CTNNA2: variants seen among roughly 807,000 people sequenced by gnomAD.
The protein encoded by CTNNA2 is catenin alpha-2.
In CTNNA2, 42 loss-of-function variants were observed where a neutral mutation model predicts 101.0. The observed-to-expected ratio is 0.42, with a 90% CI of 0.32 to 0.54. The LOEUF is 0.54. Among genes scored for constraint, CTNNA2 ranks in the 20% least tolerant of loss-of-function variants. The pLI is 0.14. For missense variants in CTNNA2, 871 were observed against 1,223.1 expected (o/e 0.71, Z 4.29); for synonymous variants, 450 against 456.4 (o/e 0.99, Z 0.18).
chr2:80,162,124 G>C (rs2148946913), intron 7 of CTNNA2, among the ~76,000 whole-genome samples: 1 of 152,128 alleles, frequency 6.6e-6, no homozygotes, highest in Non-Finnish European at 1.5e-5. Context: ...GAAATTTCTT[G>C]CAATACAAAA....
chr2:79,401,007 C>T (rs1244308602), intron 4 of CTNNA2, among the ~76,000 whole-genome samples: 1 of 151,826 alleles, frequency 6.6e-6, no homozygotes, highest in African/African-American at 2.4e-5. Context: ...TCTAGCAAAA[C>T]TATTTTTCAA....
At chr2:80,625,504 T>A (rs1671590116) in intron 18 of CTNNA2, among the ~76,000 whole-genome samples, 1 of 152,076 alleles carries the variant, frequency 6.6e-6, no homozygotes, top group East Asian at 1.9e-4. Context: ...ACTTCTTTGA[T>A]ATTCTCCAAC....
chr2:79,267,755 A>G (rs1234728760), intron 2 of CTNNA2, among the ~76,000 whole-genome samples: 1 of 152,152 alleles, frequency 6.6e-6, no homozygotes, highest in Non-Finnish European at 1.5e-5. Flanking sequence ...GTAAAGCTAA[A>G]TAAAAGAGAG....
Position 79,971,935 on chromosome 2 carries a change from T to G in CTNNA2, c.1056+62138T>G, listed in dbSNP as rs1375473583. Reference sequence around the variant, plus strand: ...TGCTGGCTCAGTTCTCAGCTGGGGCTGTAAGTTGAAAACCTCATTGCTCCA... The same window carrying G: ...TGCTGGCTCAGTTCTCAGCTGGGGCGGTAAGTTGAAAACCTCATTGCTCCA... On this transcript the variant is annotated intron_variant, in intron 7 of 18. Coordinates refer to ENST00000402739, the MANE Select transcript of CTNNA2 (RefSeq NM_001282597.3). Among the ~76,000 whole-genome samples the G allele has an allele frequency of 5.9e-5, 9 of 152,294 alleles. No individual in the cohort carries two copies. In the South Asian group the frequency reaches 1.9e-3, roughly 32 times the overall value.
At chr2:79,973,960 T>C (rs1690664761) in intron 7 of CTNNA2, among the ~76,000 whole-genome samples, 1 of 151,666 alleles carries the variant, frequency 6.6e-6, no homozygotes, top group South Asian at 2.1e-4. Flanking sequence ...TTGTTTGTTT[T>C]GTTTTGTTTT....
At chr2:80,352,761 A>C (rs1245756938) in intron 7 of CTNNA2, among the ~76,000 whole-genome samples, 1 of 152,102 alleles carries the variant, frequency 6.6e-6, no homozygotes, top group African/African-American at 2.4e-5. Context: ...TCATCTAATT[A>C]AGCTATTTAT....
At chr2:80,300,518 T>C (rs555637539) in intron 7 of CTNNA2, among the ~76,000 whole-genome samples, 1 of 152,182 alleles carries the variant, frequency 6.6e-6, no homozygotes, top group African/African-American at 2.4e-5. Context: ...AAAAAGCTGA[T>C]TTTGCCTCCT....
At chr2:80,002,470 A>C (rs1300838861) in intron 7 of CTNNA2, among the ~76,000 whole-genome samples, 2 of 152,232 alleles carry the variant, frequency 1.3e-5, no homozygotes, top group African/African-American at 4.8e-5. Flanking sequence ...CCTGACATCT[A>C]GATCAAATAT....
At chr2:79,744,844 CTT>C (rs2104993674) in intron 3 of CTNNA2, among the ~76,000 whole-genome samples, 1 of 152,226 alleles carries the variant, frequency 6.6e-6, no homozygotes, top group East Asian at 1.9e-4. Flanking sequence ...TGTAAACAGA[CTT>C]TGTGTCAAAC....
chr2:80,467,184 G>C (rs10166580), intron 9 of CTNNA2, among the ~76,000 whole-genome samples: 63,751 of 151,996 alleles, frequency 0.42, 15,160 homozygotes, highest in East Asian at 0.74. Flanking sequence ...TCAGACTTAG[G>C]CTTACTTCAC....
chr2:80,091,759 T>C (rs890566615), intron 7 of CTNNA2, among the ~76,000 whole-genome samples: 4 of 151,996 alleles, frequency 2.6e-5, no homozygotes, highest in Non-Finnish European at 4.4e-5. Context: ...CGAAATAGTT[T>C]CAGGTTTGAG....
At chr2:80,411,467 A>G (rs1441964073) in intron 8 of CTNNA2, among the ~76,000 whole-genome samples, 1 of 152,082 alleles carries the variant, frequency 6.6e-6, no homozygotes, top group Non-Finnish European at 1.5e-5. Flanking sequence ...TCCTCTCCAC[A>G]GGGGCTCTTC....
At chr2:80,481,838 A>G (rs989650037) in intron 9 of CTNNA2, among the ~76,000 whole-genome samples, 20 of 152,022 alleles carry the variant, frequency 1.3e-4, no homozygotes, top group African/African-American at 4.6e-4. Flanking sequence ...ATTAAATAAG[A>G]AAAAAAATGA....
chr2:79,359,027 C>T (rs915738333), intron 3 of CTNNA2, among the ~76,000 whole-genome samples: 2 of 152,088 alleles, frequency 1.3e-5, no homozygotes, highest in Non-Finnish European at 2.9e-5. Flanking sequence ...CTAGATATAA[C>T]ATACTAAGTT....
intron 9 of CTNNA2, among the ~76,000 whole-genome samples, chr2:80,507,068 C>T (rs1462035327): frequency 1.3e-5 from 2 of 152,150 alleles, no homozygotes; most frequent in African/African-American, 4.8e-5. Context: ...TTGCATTTCT[C>T]AGACAAACTC....
At chr2:79,423,830 G>A (rs762211397) in intron 4 of CTNNA2, among the ~76,000 whole-genome samples, 42 of 152,142 alleles carry the variant, frequency 2.8e-4, no homozygotes, top group Admixed American at 1.3e-3. Flanking sequence ...CCTCTTATGC[G>A]GACTAATCGG....
intron 7 of CTNNA2, among the ~76,000 whole-genome samples, chr2:80,152,645 G>C (rs183667384): frequency 2.1e-3 from 314 of 151,196 alleles, no homozygotes; most frequent in Non-Finnish European, 3.4e-3. Flanking sequence ...AGGGACAAGA[G>C]AAATCAAAGA....
chr2:79,862,404 C>A (rs972556673), intron 4 of CTNNA2, among the ~76,000 whole-genome samples: 11 of 152,174 alleles, frequency 7.2e-5, no homozygotes, highest in African/African-American at 2.7e-4. Context: ...CAGCCTCATG[C>A]AGCCTCAGTA....
At chr2:79,465,909 AC>A (rs1307435527) in intron 4 of CTNNA2, among the ~76,000 whole-genome samples, 8 of 152,152 alleles carry the variant, frequency 5.3e-5, no homozygotes, top group Non-Finnish European at 1.2e-4. Flanking sequence ...TTCTAAATAT[AC>A]AATCATGGCC....
Sources: gnomAD v4.1 joint callset for allele counts (sites outside exome capture counted in the v4.1 genomes callset) on GRCh38, gnomAD v4.1.1 for gene constraint, MANE v1.5 for transcripts, NCBI Gene and HGNC (gene_info 2026-07-23, HGNC 2026-07-21) for gene names.